MICAL2: variants seen among roughly 807,000 people sequenced by gnomAD.
The protein encoded by MICAL2 is [F-actin]-monooxygenase MICAL2.
MICAL2 carries 77 observed loss-of-function variants against 127.3 expected under a neutral mutation model. The observed-to-expected ratio is 0.60, with a 90% CI of 0.50 to 0.73. The LOEUF (loss-of-function observed/expected upper bound fraction) is 0.73, where lower values mean the gene tolerates loss of function less well. MICAL2 is among the 30% of genes least tolerant of loss of function. MICAL2 has a pLI of 0.00. For missense variants in MICAL2, 1,351 were observed against 1,434.4 expected (o/e 0.94, Z 0.94); for synonymous variants, 570 against 551.1 (o/e 1.03, Z -0.48).
downstream of MICAL2, among the ~76,000 whole-genome samples, chr11:12,361,079 G>C (rs1186125573): frequency 6.6e-6 from 1 of 152,144 alleles, no homozygotes; most frequent in African/African-American, 2.4e-5. Context: ...CCCATAAAAG[G>C]GCACTAGTGA....
intron 15 of MICAL2, among the ~76,000 whole-genome samples, chr11:12,232,834 A>G (rs1025948345): frequency 5.3e-5 from 8 of 152,234 alleles, no homozygotes; most frequent in African/African-American, 1.9e-4. Flanking sequence ...CTAGGGTTTC[A>G]GTGACCTGTG....
intron 21 of MICAL2, among the ~76,000 whole-genome samples, chr11:12,246,539 G>A (rs1328623012): frequency 6.6e-6 from 1 of 152,238 alleles, no homozygotes; most frequent in Non-Finnish European, 1.5e-5. Context: ...TGCAAAAGGA[G>A]CTTTCTCCAC....
At chr11:12,132,248 A>C (rs1784211262) in intron 1 of MICAL2, among the ~76,000 whole-genome samples, 1 of 152,172 alleles carries the variant, frequency 6.6e-6, no homozygotes, top group African/African-American at 2.4e-5. Context: ...GGTTTAAGGG[A>C]AACCAGGTTT....
At chr11:12,354,874 C>T in intron 34 of MICAL2, 4 of 1,611,156 alleles carry the variant, frequency 2.5e-6, no homozygotes, top group Non-Finnish European at 3.4e-6. Context: ...ATGCTTGGGC[C>T]TTTGTTGAGA....
rs750082387 is a variant in MICAL2 at position 12,241,029 on chromosome 11, T to C, written c.2215-11T>C. ...GTGGCTGCTTTTTTGGACTCGCCTTTCTTCTCCCAGGAACGCCGTGTCTCA... is the reference window on the plus strand; with the variant it reads ...GTGGCTGCTTTTTTGGACTCGCCTTCCTTCTCCCAGGAACGCCGTGTCTCA... On this transcript the variant is annotated splice_polypyrimidine_tract_variant and intron_variant, in intron 17 of 27. Coordinates refer to ENST00000683283, the MANE Select transcript of MICAL2 (RefSeq NM_001282663.2). 8 of 1,612,122 alleles carry C rather than the reference T, an allele frequency of 5.0e-6. No individual in the cohort carries two copies. In the Admixed American group the frequency reaches 8.4e-5, roughly 17 times the overall value.
At chr11:12,191,213 C>T (rs924240805) in intron 3 of MICAL2, among the ~76,000 whole-genome samples, 2 of 152,122 alleles carry the variant, frequency 1.3e-5, no homozygotes, top group Non-Finnish European at 1.5e-5. Context: ...GCCTGTAATC[C>T]CAGCACTTTG....
downstream of MICAL2, among the ~76,000 whole-genome samples, chr11:12,265,822 A>G (rs1005449654): frequency 1.3e-5 from 2 of 152,208 alleles, no homozygotes; most frequent in Admixed American, 6.5e-5. Context: ...TAAATTAATT[A>G]TGGTGCACAT....
chr11:12,223,246 T>C (rs1231354617), intron 11 of MICAL2, among the ~76,000 whole-genome samples, 165 bp from the exon 12 acceptor site: 3 of 152,214 alleles, frequency 2.0e-5, no homozygotes, highest in African/African-American at 4.8e-5. Context: ...TGAGGCCCAT[T>C]GCTCTATGAC....
chr11:12,277,967 A>G lies in MICAL2; in HGVS notation c.87+1801A>G, dbSNP rs148482806. On this transcript the variant is annotated intron_variant, in intron 1 of 2. Coordinates refer to the MICAL2 transcript ENST00000529028. ...GGTAAGTATTTGTGAATCTAAATAT[A>G]TATAAACATAGAAAAGGTACAGTAA... 1.8e-4 allele frequency among the ~76,000 whole-genome samples: 28 copies of G among 152,342 alleles called. No homozygotes were observed. The East Asian group carries it at 5.0e-3, about 27-fold the overall frequency.
At chr11:12,152,820 T>C (rs1853745340) in intron 2 of MICAL2, among the ~76,000 whole-genome samples, 1 of 152,208 alleles carries the variant, frequency 6.6e-6, no homozygotes, top group Non-Finnish European at 1.5e-5. Flanking sequence ...AATGATTTAT[T>C]TTGTTTATTG....
chr11:12,176,989 C>T (rs1856911453), intron 3 of MICAL2, among the ~76,000 whole-genome samples: 1 of 152,090 alleles, frequency 6.6e-6, no homozygotes, highest in Non-Finnish European at 1.5e-5. Flanking sequence ...TCTTCATGAT[C>T]ATGCTTTAAT....
chr11:12,210,997 G>A (rs193017645), intron 6 of MICAL2, among the ~76,000 whole-genome samples: 1 of 152,318 alleles, frequency 6.6e-6, no homozygotes, highest in East Asian at 1.9e-4. Flanking sequence ...CTCCAGCTAA[G>A]AAATGCTAGA....
rs1554968182 is a variant in MICAL2 at position 12,180,350 on chromosome 11, T to TATATATATATATATATATATATA, written c.264+17931_264+17932insATATATATATATATATATATATA. Among the ~76,000 whole-genome samples the TATATATATATATATATATATATA allele has an allele frequency of 2.5e-3, 261 of 103,978 alleles. 3 individuals are homozygous for TATATATATATATATATATATATA. Among genetic ancestry groups the TATATATATATATATATATATATA allele is most frequent in the South Asian group, 4.1e-3 (9 of 2,202 alleles). The allele number at this position is 103,978 out of a possible 152,430, so 68.2% of individuals were successfully genotyped here. A position where few individuals can be genotyped will look rare whatever the true frequency, so the allele number is the denominator to read the frequency against. ...TTATATACATGTATATATGTATATA[T>TATATATATATATATATATATATA]TTTTTTTTTGGCAGGAAGGTTTCCC... On this transcript the variant is annotated intron_variant, in intron 3 of 27. Coordinates refer to ENST00000683283, the MANE Select transcript of MICAL2 (RefSeq NM_001282663.2).
intron 2 of MICAL2, among the ~76,000 whole-genome samples, chr11:12,282,034 TG>T (rs533613593): frequency 7.8e-4 from 118 of 152,202 alleles, no homozygotes; most frequent in African/African-American, 2.7e-3. Context: ...CGCCACCTGG[TG>T]GTCATGAGCA....
At position 12,223,480 on chromosome 11, in the gene MICAL2, T is replaced by C; in HGVS notation, c.1519T>C (p.Ser507Pro). The C allele has an allele frequency of 6.2e-7, 1 of 1,613,860 alleles. No homozygotes were observed. The highest frequency in any genetic ancestry group is 8.5e-7 in the Non-Finnish European group (1 of 1,179,962). The change falls in exon 12 of 28, where the codon TCT becomes CCT. Residue 507 changes from serine (S) to proline (P), a missense_variant. Around this residue, in one of 2 missense-constraint regions of MICAL2, gnomAD observed 599 missense variants for 714.9 expected, o/e 0.84. Transcript: ENST00000683283. ...CGAGAGACTGGGCTCGGTGAGGAGA[T>C]CTGTCAACCTCTCCAGGAAGGGTAA... ...PLERLGSVRR[S>P]VNLSRKESDI...
chr11:12,286,456 T>C (rs1863828089), intron 2 of MICAL2, among the ~76,000 whole-genome samples: 1 of 150,682 alleles, frequency 6.6e-6, no homozygotes, highest in Non-Finnish European at 1.5e-5. Flanking sequence ...CATGTATAAA[T>C]ATGTCTACAC....
At chr11:12,260,016 T>TTAC (rs1405883530) in intron 26 of MICAL2, 119 bp downstream of exon 26, 2 of 1,549,344 alleles carry the variant, frequency 1.3e-6, no homozygotes, top group Non-Finnish European at 1.7e-6. Context: ...GGGACAATGC[T>TTAC]TACAACTACT....
At chr11:12,143,962 C>A (rs1052208745) in intron 2 of MICAL2, among the ~76,000 whole-genome samples, 1 of 151,610 alleles carries the variant, frequency 6.6e-6, no homozygotes, top group Admixed American at 6.6e-5. Context: ...AGAGAGAGAG[C>A]GCCAGGAACT....
At chr11:12,345,116 C>CAAAAAAAAAAA (rs796748173) in intron 32 of MICAL2, among the ~76,000 whole-genome samples, 49 of 110,520 alleles carry the variant, frequency 4.4e-4, no homozygotes, top group African/African-American at 1.5e-3. Context: ...GAATCCATCT[C>CAAAAAAAAAAA]AAAAAAAAAA....
Sources: allele counts gnomAD v4.1 joint callset (sites outside exome capture counted in the v4.1 genomes callset), GRCh38; gene constraint gnomAD v4.1.1; regional missense constraint gnomAD v4.1.1; transcripts MANE v1.5; gene names NCBI Gene and HGNC (gene_info 2026-07-23, HGNC 2026-07-21).